The following TMEM184B variants were observed in gnomAD, a reference collection of about 807,000 sequenced individuals.
TMEM184B encodes the protein transmembrane protein 184B, also known as putative MAPK-activating protein FM08.
Under a neutral mutation model 41.8 loss-of-function variants are expected in TMEM184B, and 17 were observed. The ratio of observed to expected loss-of-function variants is 0.41; its 90% CI spans 0.28 to 0.61. The LOEUF (loss-of-function observed/expected upper bound fraction) is 0.61, where lower values mean the gene tolerates loss of function less well. Ranked by LOEUF, TMEM184B falls within the 20% of genes least tolerant of loss-of-function variation. The pLI, the probability that TMEM184B is intolerant of heterozygous loss-of-function variation, is 0.34. For missense variants in TMEM184B, 393 were observed against 557.8 expected (o/e 0.70, Z 2.98); for synonymous variants, 240 against 229.5 (o/e 1.05, Z -0.41).
chr22:38,221,299 C>A lies in TMEM184B; in HGVS notation c.*170G>T, dbSNP rs1217530981. On this transcript the variant is annotated 3_prime_UTR_variant, in exon 9 of 9. Coordinates refer to ENST00000361906, the MANE Select transcript of TMEM184B (RefSeq NM_012264.5). ...ATATTCCTGAAGGCCCATGGGCGAG[C>A]CTGGCTGTCCCCCGTTCCTCTGGAA... 9.1e-6 allele frequency: 13 copies of A among 1,433,308 alleles called. No homozygotes were observed. Among genetic ancestry groups the A allele is most frequent in the African/African-American group, 1.4e-5 (1 of 69,630 alleles). 88.8% of individuals were successfully genotyped at this position (1,433,308 alleles called of 1,614,324 possible). A position where few individuals can be genotyped will look rare whatever the true frequency, so the allele number is the denominator to read the frequency against.
intron 3 of TMEM184B, 30 bp downstream of exon 3, chr22:38,245,905 C>A: frequency 6.8e-7 from 1 of 1,479,448 alleles, no homozygotes; most frequent in Non-Finnish European, 9.3e-7. Context: ...AGCCCCCCGC[C>A]AGCCCTCCCC....
At chr22:38,224,008 T>C (rs909175738) in intron 8 of TMEM184B, 14 of 152,404 alleles carry the variant, frequency 9.2e-5, no homozygotes, top group African/African-American at 3.4e-4. Flanking sequence ...CCAGTACAAC[T>C]GGGGCTACTT....
intron 1 of TMEM184B, among the ~76,000 whole-genome samples, chr22:38,253,027 A>G (rs1486608020): frequency 2.6e-5 from 4 of 152,134 alleles, no homozygotes; most frequent in Non-Finnish European, 4.4e-5. Context: ...CTGTAGTCCC[A>G]GCTACTGGGG....
intron 1 of TMEM184B, among the ~76,000 whole-genome samples, chr22:38,253,231 C>T (rs1434750405): frequency 6.6e-6 from 1 of 152,112 alleles, no homozygotes; most frequent in East Asian, 1.9e-4. Context: ...TGAGGCTACA[C>T]ATTCGAGGCT....
At chr22:38,230,821 G>A (rs1464764886) in intron 4 of TMEM184B, 77 bp from the exon 5 acceptor site, 11 of 1,361,972 alleles carry the variant, frequency 8.1e-6, no homozygotes, top group East Asian at 2.4e-5. Flanking sequence ...GGGGAAGGCC[G>A]CCCTCCCACC....
intron 5 of TMEM184B, among the ~76,000 whole-genome samples, chr22:38,227,265 C>T (rs780025056): frequency 1.3e-5 from 2 of 152,044 alleles, no homozygotes; most frequent in East Asian, 1.9e-4. Context: ...GGAAGCTTCT[C>T]GAGCCAGGAC....
At position 38,230,657 on chromosome 22, in the gene TMEM184B, G is replaced by GT; in HGVS notation, c.525+11_525+12insA. ...GCTCCTCCTGAGCTAGGCAGCTGCT[G>GT]GGGGCACACACCTGTTTGCAGAACC... On this transcript the variant is annotated intron_variant, in intron 5 of 8. Coordinates refer to ENST00000361906, the MANE Select transcript of TMEM184B (RefSeq NM_012264.5). 6.2e-7 allele frequency: 1 copy of GT among 1,607,044 alleles called. No individual in the cohort carries two copies.
intron 3 of TMEM184B, among the ~76,000 whole-genome samples, chr22:38,243,468 G>T (rs1224389318): frequency 2.0e-5 from 3 of 152,210 alleles, no homozygotes; most frequent in African/African-American, 2.4e-5. Flanking sequence ...GAAGGAACAG[G>T]TGGGCAGAGG....
At chr22:38,248,632 G>A (rs917792302) in intron 1 of TMEM184B, among the ~76,000 whole-genome samples, 5 of 152,062 alleles carry the variant, frequency 3.3e-5, no homozygotes, top group South Asian at 2.1e-4. Context: ...GACACCACCC[G>A]ACTAACTCGA....
chr22:38,265,243 C>T (rs1246784883), intron 1 of TMEM184B, among the ~76,000 whole-genome samples: 1 of 152,196 alleles, frequency 6.6e-6, no homozygotes, highest in African/African-American at 2.4e-5. Flanking sequence ...TGCCAACCTC[C>T]ACTGTCCACT....
chr22:38,253,938 C>T (rs921375346), intron 1 of TMEM184B, among the ~76,000 whole-genome samples: 3 of 152,062 alleles, frequency 2.0e-5, no homozygotes, highest in Non-Finnish European at 4.4e-5. Flanking sequence ...CGGTGGTTCA[C>T]ACCTGTAATC....
At chr22:38,222,863 T>C in intron 8 of TMEM184B, 1 of 198,444 alleles carries the variant, frequency 5.0e-6, no homozygotes, top group Non-Finnish European at 9.0e-6. Flanking sequence ...TCCTGGGGCC[T>C]GGCAGGGGGG....
At position 38,246,002 on chromosome 22, in the gene TMEM184B, G is replaced by T; in HGVS notation, c.291C>A (p.Leu97=). 6.2e-7 allele frequency: 1 copy of T among 1,613,756 alleles called. No individual in the cohort carries two copies. Among genetic ancestry groups the T allele is most frequent in the Non-Finnish European group, 8.5e-7 (1 of 1,180,004 alleles). The change falls in exon 3 of 9, where the codon CTC becomes CTA. Residue 97 remains leucine, a synonymous_variant. Transcript: ENST00000361906. ...GGTCGTTGGTGAAGAAGAGGAGGCT[G>T]AGCCAGGAGTCAAAGGCGTAGATGG... is the stretch of plus-strand genomic sequence containing the variant. ...IVPIYAFDSW[L]SLLFFTNDQY...
intron 1 of TMEM184B, among the ~76,000 whole-genome samples, chr22:38,264,186 G>T (rs574512569): frequency 6.6e-6 from 1 of 152,148 alleles, no homozygotes; most frequent in African/African-American, 2.4e-5. Context: ...GTAGGGACAC[G>T]GTGCTGAACC....
intron 1 of TMEM184B, among the ~76,000 whole-genome samples, chr22:38,256,926 C>T (rs925174924): frequency 2.0e-5 from 3 of 151,356 alleles, no homozygotes; most frequent in African/African-American, 7.3e-5. Flanking sequence ...CAACGGGTGA[C>T]GTCTAGTCTA....
Position 38,226,703 on chromosome 22 carries a change from G to A in TMEM184B, c.617+76C>T. 3 of 1,435,592 alleles carry A rather than the reference G, an allele frequency of 2.1e-6. No homozygotes were observed. The highest frequency in any genetic ancestry group is 1.4e-5 in the African/African-American group (1 of 70,964). The allele number at this position is 1,435,592 out of a possible 1,614,324, so 88.9% of individuals were successfully genotyped here. A position where few individuals can be genotyped will look rare whatever the true frequency, so the allele number is the denominator to read the frequency against. On this transcript the variant is annotated intron_variant, in intron 6 of 8. Transcript: ENST00000361906. This position sits in a 1 kb window ranked among gnomAD's most constrained non-coding sequence, Gnocchi z 4.6. ...TCATGGCTGTGCGGCCACTCTGGCTGCCCCCTTCCCTGAGCCAAGGCACCA... is the reference window on the plus strand; with the variant it reads ...TCATGGCTGTGCGGCCACTCTGGCTACCCCCTTCCCTGAGCCAAGGCACCA...
intron 5 of TMEM184B, 61 bp downstream of exon 5, chr22:38,230,608 G>A (rs886988703): frequency 6.5e-7 from 1 of 1,550,044 alleles, no homozygotes; most frequent in Non-Finnish European, 8.8e-7. Context: ...GCAGCCCACG[G>A]CAGGGCCTCC....
At chr22:38,255,848 G>A (rs955209036) in intron 1 of TMEM184B, among the ~76,000 whole-genome samples, 1 of 152,222 alleles carries the variant, frequency 6.6e-6, no homozygotes, top group African/African-American at 2.4e-5. Flanking sequence ...ATGGAGCATG[G>A]TGTAGTAGTT....
intron 3 of TMEM184B, among the ~76,000 whole-genome samples, chr22:38,234,252 G>A (rs968064640): frequency 6.6e-6 from 1 of 152,132 alleles, no homozygotes; most frequent in Non-Finnish European, 1.5e-5. Flanking sequence ...TCCCTTGAAT[G>A]CCTGTCCTTG....
Sources: allele counts gnomAD v4.1 joint callset (sites outside exome capture counted in the v4.1 genomes callset), GRCh38; gene constraint gnomAD v4.1.1; non-coding constraint Gnocchi (gnomAD v3.1); transcripts MANE v1.5; gene names NCBI Gene and HGNC (gene_info 2026-07-23, HGNC 2026-07-21).